Variants in GRIA1 observed in about 807,000 individuals in gnomAD.
The protein encoded by GRIA1 is glutamate receptor 1.
In GRIA1, 31 loss-of-function variants were observed where a neutral mutation model predicts 99.2. The ratio of observed to expected loss-of-function variants is 0.31; its 90% CI spans 0.23 to 0.42. GRIA1 has a LOEUF of 0.42. GRIA1 is among the 10% of genes least tolerant of loss of function. The pLI is 1.00. For synonymous variants in GRIA1, 438 were observed against 432.4 expected (o/e 1.01, Z -0.16); for missense variants, 782 against 1,157.5 (o/e 0.68, Z 4.71).
intron 2 of GRIA1, among the ~76,000 whole-genome samples, chr5:153,584,481 G>A (rs143952958): frequency 2.0e-5 from 3 of 152,210 alleles, no homozygotes; most frequent in African/African-American, 7.2e-5. Context: ...GTTGATCCCC[G>A]TCTCAACTGG....
intron 2 of GRIA1, among the ~76,000 whole-genome samples, chr5:153,522,236 T>A (rs369516592): frequency 6.6e-6 from 1 of 152,244 alleles, no homozygotes; most frequent in Admixed American, 6.5e-5. Flanking sequence ...AGATGGTTAT[T>A]GTAAGGACTG....
chr5:153,755,569 G>A (rs889773522), intron 11 of GRIA1: 2 of 152,220 alleles, frequency 1.3e-5, no homozygotes, highest in African/African-American at 4.8e-5. Context: ...GGGTGAACTG[G>A]CCCAGATTGG....
intron 2 of GRIA1, among the ~76,000 whole-genome samples, chr5:153,634,570 G>C (rs1278421560): frequency 1.3e-5 from 2 of 152,130 alleles, no homozygotes; most frequent in African/African-American, 4.8e-5. Flanking sequence ...AGATGTGGTG[G>C]GAGAGATAGG....
At chr5:153,492,193 G>T in intron 1 of GRIA1, 2 of 1,528,886 alleles carry the variant, frequency 1.3e-6, no homozygotes, top group Non-Finnish European at 1.7e-6. Context: ...ATTTTGTCGG[G>T]CATACATGTG....
intron 3 of GRIA1, among the ~76,000 whole-genome samples, chr5:153,647,452 A>AGGC (rs951828648): frequency 1.3e-5 from 2 of 152,180 alleles, no homozygotes; most frequent in African/African-American, 4.8e-5. Flanking sequence ...CTTTGGAGTC[A>AGGC]GGCAGATCTG....
At chr5:153,752,848 T>C (rs1277471699) in intron 11 of GRIA1, among the ~76,000 whole-genome samples, 1 of 152,190 alleles carries the variant, frequency 6.6e-6, no homozygotes, top group African/African-American at 2.4e-5. Flanking sequence ...ACACAGAGAT[T>C]ATCTAGGTGG....
At chr5:153,605,107 A>G (rs1312017943) in intron 2 of GRIA1, among the ~76,000 whole-genome samples, 1 of 151,830 alleles carries the variant, frequency 6.6e-6, no homozygotes, top group Admixed American at 6.6e-5. Context: ...GAATCGCTTG[A>G]GCCCAGGATG....
At chr5:153,770,453 C>A (rs190441773) in intron 13 of GRIA1, 38 bp downstream of exon 13, 1 of 1,586,904 alleles carries the variant, frequency 6.3e-7, no homozygotes, top group East Asian at 2.2e-5. Flanking sequence ...TACTCCCTCT[C>A]CCCTCCCTAT....
intron 7 of GRIA1, among the ~76,000 whole-genome samples, chr5:153,680,764 T>C (rs1432186354): frequency 1.3e-5 from 2 of 152,094 alleles, no homozygotes; most frequent in East Asian, 3.9e-4. Context: ...CTAACACAGG[T>C]GGGCTTATGG....
chr5:153,548,933 C>A (rs748316374), intron 2 of GRIA1, among the ~76,000 whole-genome samples: 4 of 152,088 alleles, frequency 2.6e-5, no homozygotes, highest in African/African-American at 4.8e-5. Flanking sequence ...TCTTAAATAG[C>A]TATGTCGAAT....
rs191827618 is a variant in GRIA1 at position 153,647,878 on chromosome 5, A to G, written c.460+711A>G. ...AATGCACTTCCCTTCTCCAATTTAC[A>G]TCTGTAAATCCTTCTCCTCTTTTGC... is the stretch of plus-strand genomic sequence containing the variant. On this transcript the variant is annotated intron_variant, in intron 3 of 15. Transcript: ENST00000285900. 2.6e-5 allele frequency among the ~76,000 whole-genome samples: 4 copies of G among 152,152 alleles called. No individual in the cohort carries two copies. In the East Asian group the frequency reaches 7.8e-4, roughly 29 times the overall value.
At position 153,493,811 on chromosome 5, in the gene GRIA1, A is replaced by C; in HGVS notation, c.83-117A>C. 5.0e-6 allele frequency: 5 copies of C among 1,005,510 alleles called. No individual in the cohort carries two copies. In the South Asian group the frequency reaches 6.0e-5, roughly 12 times the overall value. The allele number at this position is 1,005,510 out of a possible 1,614,324, so 62.3% of individuals were successfully genotyped here. ...TTTGAACTCTCATCTCTACCACTCA[A>C]GGCTACAGCTAGTGAGTTTGGCATG... On this transcript the variant is annotated intron_variant, in intron 1 of 15. Coordinates refer to ENST00000285900, the MANE Select transcript of GRIA1 (RefSeq NM_000827.4).
intron 11 of GRIA1, among the ~76,000 whole-genome samples, chr5:153,757,817 C>T (rs186566195): frequency 8.2e-4 from 125 of 152,134 alleles, no homozygotes; most frequent in African/African-American, 2.6e-3. Context: ...GTTTTTCAAA[C>T]GGGAAGAAAA....
intron 2 of GRIA1, among the ~76,000 whole-genome samples, chr5:153,574,745 AATT>A (rs1444932373): frequency 2.0e-5 from 3 of 152,046 alleles, no homozygotes; most frequent in Non-Finnish European, 4.4e-5. Flanking sequence ...ATATAGGAGA[AATT>A]ATTATAATAA....
chr5:153,538,600 G>A (rs1048559436), intron 2 of GRIA1, among the ~76,000 whole-genome samples: 23 of 152,222 alleles, frequency 1.5e-4, no homozygotes, highest in African/African-American at 5.1e-4. Flanking sequence ...CTAAATGCTA[G>A]GAATCCCTCT....
intron 2 of GRIA1, among the ~76,000 whole-genome samples, chr5:153,577,855 G>T (rs1015423770): frequency 6.6e-6 from 1 of 152,018 alleles, no homozygotes; most frequent in African/African-American, 2.4e-5. Context: ...CAAGATAATT[G>T]TAAGATAAAG....
At chr5:153,784,949 A>G (rs935818568) in intron 13 of GRIA1, among the ~76,000 whole-genome samples, 5 of 152,134 alleles carry the variant, frequency 3.3e-5, no homozygotes, top group African/African-American at 1.2e-4. Context: ...CTTGGTTCCT[A>G]CGGAGGCTCT....
chr5:153,672,146 G>A (rs1460579554), intron 5 of GRIA1, among the ~76,000 whole-genome samples: 1 of 152,192 alleles, frequency 6.6e-6, no homozygotes, highest in Non-Finnish European at 1.5e-5. Context: ...CAGTCCCTGA[G>A]GGGATCCCAA....
Position 153,802,361 on chromosome 5 carries a change from G to A in GRIA1, c.2391G>A (p.Lys797=). ...TTCCCTCCTCCTCTTCTTAGGACAA[G>A]ACAAGCGCTCTGAGCCTCAGCAATG... ...CGSGGGDSKD[K]TSALSLSNVA... is the part of the protein sequence containing the mutation. Residue 797 remains lysine, a synonymous_variant, in exon 15 of 16, where the codon AAG becomes AAA. Transcript: ENST00000285900. 6.2e-7 allele frequency: 1 copy of A among 1,613,810 alleles called. No homozygotes were observed.
Sources: allele counts gnomAD v4.1 joint callset (sites outside exome capture counted in the v4.1 genomes callset), GRCh38; gene constraint gnomAD v4.1.1; transcripts MANE v1.5; gene names NCBI Gene and HGNC (gene_info 2026-07-23, HGNC 2026-07-21).